The following NHS variants were observed in gnomAD, a reference collection of about 807,000 sequenced individuals.
The protein encoded by NHS is actin remodeling regulator NHS.
NHS carries 5 observed loss-of-function variants against 72.5 expected under a neutral mutation model. The observed-to-expected ratio is 0.07, with a 90% CI of 0.04 to 0.14. The LOEUF (loss-of-function observed/expected upper bound fraction) is 0.14. Ranked by LOEUF, NHS falls within the 10% of genes least tolerant of loss-of-function variation. NHS has a pLI of 1.00. For synonymous variants in NHS, 464 were observed against 547.7 expected, an observed-to-expected ratio of 0.85 and a Z score of 2.13; for missense variants, 1,072 against 1,355.7, an observed-to-expected ratio of 0.79 and a Z score of 3.29.
intron 1 of NHS, among the ~76,000 whole-genome samples, chrX:17,535,104 T>C (rs1601751922): frequency 8.9e-6 from 1 of 112,079 alleles, no homozygotes; most frequent in African/African-American, 3.2e-5. Flanking sequence ...ATAACCTACC[T>C]TTATAGCTTC....
chrX:17,453,535 T>C (rs182459353), intron 1 of NHS, among the ~76,000 whole-genome samples: 382 of 112,265 alleles, frequency 3.4e-3, no homozygotes, highest in Non-Finnish European at 5.2e-3. Flanking sequence ...CTAGATCTTG[T>C]TATTCAATGC....
chrX:17,725,737 A>T lies in NHS; in HGVS notation c.1631A>T (p.Asp544Val). ...GGTGACCATGAAAGAACCCCTAATGATTTCAGTGAGGCTCCAAGCAGCCCG... is the reference window on the plus strand; with the variant it reads ...GGTGACCATGAAAGAACCCCTAATGTTTTCAGTGAGGCTCCAAGCAGCCCG... ...FVGDHERTPN[D>V]FSEAPSSPSA... is the part of the protein sequence containing the mutation. The change falls in exon 7 of 9, where the codon GAT (aspartate) becomes GTT (valine). Residue 544 changes from aspartate to valine, a missense_variant. By Grantham distance (152) the Asp-to-Val change is radical. Coordinates refer to ENST00000676302, the MANE Select transcript of NHS (RefSeq NM_001291867.2). 8.3e-7 allele frequency: 1 copy of T among 1,211,233 alleles called. No individual in the cohort carries two copies. The highest frequency in any genetic ancestry group is 1.1e-6 in the Non-Finnish European group (1 of 895,398).
intron 1 of NHS, among the ~76,000 whole-genome samples, chrX:17,589,985 T>C (rs2065595052): frequency 8.9e-6 from 1 of 112,284 alleles, no homozygotes; most frequent in Non-Finnish European, 1.9e-5. Flanking sequence ...TATATCTTCT[T>C]TTGAGAATTG....
chrX:17,632,380 G>GT (rs1165055286), intron 1 of NHS, among the ~76,000 whole-genome samples: 301 of 100,729 alleles, frequency 3.0e-3, no homozygotes, highest in African/African-American at 5.9e-3. Flanking sequence ...TTGTAAAACA[G>GT]TTTTTTTTTT....
At chrX:17,419,659 T>C (rs187229815) in intron 1 of NHS, among the ~76,000 whole-genome samples, 1 of 110,968 alleles carries the variant, frequency 9.0e-6, no homozygotes, top group East Asian at 2.8e-4. Context: ...TAAAGAATAA[T>C]GGCCTAGAAG....
In NHS at chrX:17,454,663, C is replaced by A. The variant is rs187596025; in HGVS notation, c.565+78341C>A. The stretch of plus-strand genomic sequence containing the variant: ...TTGTCTCTGTCCACTTCAGTTTATT[C>A]ATCTGTTAAATGAGTTCAGTATTAA... On this transcript the variant is annotated intron_variant, in intron 1 of 8. Transcript: ENST00000676302. 9.5e-3 allele frequency among the ~76,000 whole-genome samples: 1,065 copies of A among 112,153 alleles called. 18 individuals carry two copies. Among genetic ancestry groups the A allele is most frequent in the African/African-American group, 0.033 (1,010 of 30,854 alleles).
chrX:17,510,786 A>G (rs1318628744), intron 1 of NHS, among the ~76,000 whole-genome samples: 5 of 112,621 alleles, frequency 4.4e-5, no homozygotes. Context: ...TGATGTGGGC[A>G]TAAGGCTTCG....
intron 1 of NHS, among the ~76,000 whole-genome samples, chrX:17,398,528 C>T (rs928239674): frequency 1.8e-5 from 2 of 112,325 alleles, no homozygotes; most frequent in African/African-American, 3.2e-5. Context: ...CTTTAAACAA[C>T]CACTGTTTAC....
intron 1 of NHS, among the ~76,000 whole-genome samples, chrX:17,670,798 A>G (rs1225915070): frequency 8.9e-6 from 1 of 112,016 alleles, no homozygotes; most frequent in Admixed American, 9.4e-5. Context: ...TGTCATCTGC[A>G]ATTTCACCTC....
chrX:17,614,681 G>A (rs1473367021), intron 1 of NHS, among the ~76,000 whole-genome samples: 3 of 111,146 alleles, frequency 2.7e-5, no homozygotes, highest in Admixed American at 1.9e-4. Flanking sequence ...GCTACCTCAC[G>A]TTTGAAAATT....
At chrX:17,720,663 T>C (rs1303622173) in intron 4 of NHS, among the ~76,000 whole-genome samples, 1 of 112,237 alleles carries the variant, frequency 8.9e-6, no homozygotes, top group African/African-American at 3.2e-5. Flanking sequence ...TCCAATGTCA[T>C]GTAGAAATCA....
chrX:17,557,898 T>C (rs750104257), intron 1 of NHS, among the ~76,000 whole-genome samples: 9 of 112,123 alleles, frequency 8.0e-5, no homozygotes, highest in African/African-American at 2.9e-4. Flanking sequence ...TCCCACCTCA[T>C]AGGGCAACTC....
intron 1 of NHS, among the ~76,000 whole-genome samples, chrX:17,390,184 G>A (rs1199625703): frequency 8.9e-6 from 1 of 112,010 alleles, no homozygotes; most frequent in East Asian, 2.8e-4. Context: ...TCTAAGGGAA[G>A]GAAGAGGTAG....
rs1362269591 is a variant in NHS, at chrX:17,733,104, T to C, written c.*640T>C. ...GTCCACCAATATGATTTCTGAGTGG[T>C]AAACCTCAAATATGAATTTTAAACT... On this transcript the variant is annotated 3_prime_UTR_variant, in exon 9 of 9. Coordinates refer to ENST00000676302, the MANE Select transcript of NHS (RefSeq NM_001291867.2). 8.8e-6 allele frequency: 1 copy of C among 113,916 alleles called. No individual in the cohort carries two copies. The highest frequency in any genetic ancestry group is 3.2e-5 in the African/African-American group (1 of 30,895). The allele number at this position is 113,916 out of a possible 1,213,427, so 9.4% of individuals were successfully genotyped here.
At chrX:17,516,568 C>T (rs775973310) in intron 1 of NHS, among the ~76,000 whole-genome samples, 10 of 84,301 alleles carry the variant, frequency 1.2e-4, no homozygotes, top group Admixed American at 2.6e-4. Context: ...CACACACACA[C>T]GCGCACACAC....
At chrX:17,635,403 G>GA (rs1458406119) in intron 1 of NHS, 1 of 1,157,948 alleles carries the variant, frequency 8.6e-7, no homozygotes, top group Non-Finnish European at 1.2e-6. Context: ...GAGGTTCTGT[G>GA]AAAATCTGCC....
At chrX:17,568,177 A>G (rs2065455073) in intron 1 of NHS, among the ~76,000 whole-genome samples, 1 of 112,006 alleles carries the variant, frequency 8.9e-6, no homozygotes, top group African/African-American at 3.2e-5. Flanking sequence ...AAAGCCATGG[A>G]CTTGTTGCTG....
rs187750900 is a variant in NHS, at chrX:17,687,592, T to C, written c.566-150T>C. On this transcript the variant is annotated intron_variant, in intron 1 of 8. Transcript: ENST00000676302. Reference sequence around the variant, plus strand: ...CAGTATCATAAATGCCAAACCTTTCTCCGGCCTTGAGTTAGTTCTTAATGT... The same window carrying C: ...CAGTATCATAAATGCCAAACCTTTCCCCGGCCTTGAGTTAGTTCTTAATGT... 8.7e-4 allele frequency: 631 copies of C among 721,473 alleles called. 4 individuals carry two copies. In the African/African-American group the frequency reaches 0.012, roughly 14 times the overall value. 59.5% of individuals were successfully genotyped at this position (721,473 alleles called of 1,213,427 possible).
chrX:17,643,000 T>C lies in NHS; in HGVS notation c.566-44742T>C, dbSNP rs181264247. ...CCATTGATGTTAGGGACTGAGGAGA[T>C]TGTCACATGCAGTGGTTGGGGGAAA... On this transcript the variant is annotated intron_variant, in intron 1 of 8. Coordinates refer to ENST00000676302, the MANE Select transcript of NHS (RefSeq NM_001291867.2). Among the ~76,000 whole-genome samples the C allele has an allele frequency of 9.8e-4, 110 of 111,927 alleles. No individual in the cohort carries two copies. The Middle Eastern group carries it at 0.014, about 14-fold the overall frequency.
Sources: gnomAD v4.1 joint callset for allele counts (sites outside exome capture counted in the v4.1 genomes callset) on GRCh38, gnomAD v4.1.1 for gene constraint, MANE v1.5 for transcripts, NCBI Gene and HGNC (gene_info 2026-07-23, HGNC 2026-07-21) for gene names.